Variants in GSE1 observed in about 807,000 individuals in gnomAD.
The protein encoded by GSE1 is genetic suppressor element 1.
A neutral mutation model predicts 112.6 loss-of-function variants in GSE1; 32 were observed. That is an observed-to-expected ratio of 0.28 (90% confidence interval 0.21 to 0.38). GSE1 has a LOEUF of 0.38. Ranked by LOEUF, GSE1 falls within the 10% of genes least tolerant of loss-of-function variation. The pLI, the probability that GSE1 is intolerant of heterozygous loss-of-function variation, is 1.00. For synonymous variants in GSE1, 1,115 were observed against 735.6 expected (o/e 1.52, Z -8.35); for missense variants, 2,348 against 1,699.2 (o/e 1.38, Z -6.71).
intron 1 of GSE1, among the ~76,000 whole-genome samples, chr16:85,174,130 G>C (rs77594326): frequency 0.01 from 1,573 of 152,314 alleles, 29 homozygotes; most frequent in African/African-American, 0.036. Flanking sequence ...AATGAGGCAG[G>C]CAAACAGGCC....
At position 85,501,299 on chromosome 16, in the gene GSE1, G is replaced by A. The variant is rs534591544; in HGVS notation, c.2465-132615G>A. On this transcript the variant is annotated intron_variant, in intron 2 of 2. Transcript: ENST00000637419. ...TTACAGGCGTGAGCCACCGCACCCA[G>A]CCAAGTATGGCCTCTTCTTAACTAA... Among the ~76,000 whole-genome samples the A allele has an allele frequency of 7.8e-4, 118 of 151,820 alleles. 1 individual carries two copies. The highest frequency in any genetic ancestry group is 2.8e-3 in the African/African-American group (117 of 41,404).
In GSE1 at chr16:85,209,330, C is replaced by G. The variant is rs866748949; in HGVS notation, c.2283+37523C>G. 1.2e-4 allele frequency among the ~76,000 whole-genome samples: 19 copies of G among 152,330 alleles called. No individual in the cohort carries two copies. The South Asian group carries it at 3.9e-3, about 32-fold the overall frequency. On this transcript the variant is annotated intron_variant, in intron 1 of 2. Transcript: ENST00000637419. ...TGTCATAGCTGGCCAGGGCAACATC[C>G]TCCGTCCTTGTTCGTGACCTCGATG...
intron 2 of GSE1, among the ~76,000 whole-genome samples, chr16:85,369,457 C>G (rs751032545): frequency 3.4e-4 from 52 of 152,192 alleles, no homozygotes; most frequent in Non-Finnish European, 4.9e-4. Flanking sequence ...TTCAAGCAGT[C>G]CTCCCTCCCA....
chr16:85,484,226 C>T (rs2050766529), intron 2 of GSE1, among the ~76,000 whole-genome samples: 1 of 152,166 alleles, frequency 6.6e-6, no homozygotes, highest in African/African-American at 2.4e-5. Flanking sequence ...CCAGTGGGTC[C>T]CACACACCTG....
In GSE1 at chr16:85,357,625, C is replaced by G. The variant is rs1378992774; in HGVS notation, c.2446C>G (p.Pro816Ala). 17 of 1,288,752 alleles carry G rather than the reference C, an allele frequency of 1.3e-5. No individual in the cohort carries two copies. The Admixed American group carries it at 3.9e-4, about 30-fold the overall frequency. The allele number at this position is 1,288,752 out of a possible 1,614,324, so 79.8% of individuals were successfully genotyped here. ...GCAGAGCAGCCGGGAGGAGGACGGA[C>G]CAGACCTTACTGGTGCAGGTAGACG... The change falls in exon 2 of 3, where the codon CCA becomes GCA. Residue 816 changes from proline to alanine, a missense_variant. Coordinates refer to the GSE1 transcript ENST00000637419.
At chr16:85,660,848 T>C (rs981531116) in intron 8 of GSE1, among the ~76,000 whole-genome samples, 2 of 152,020 alleles carry the variant, frequency 1.3e-5, no homozygotes, top group East Asian at 3.9e-4. Context: ...GCCAGGCTGG[T>C]CTCAAACTGC....
At chr16:85,548,137 G>A (rs1242388152) in intron 2 of GSE1, among the ~76,000 whole-genome samples, 1 of 149,030 alleles carries the variant, frequency 6.7e-6, no homozygotes, top group Non-Finnish European at 1.5e-5. Flanking sequence ...GCTGAGGCAG[G>A]AGAATCACTT....
chr16:85,229,759 C>G (rs1644826431), intron 1 of GSE1, among the ~76,000 whole-genome samples: 1 of 152,202 alleles, frequency 6.6e-6, no homozygotes, highest in African/African-American at 2.4e-5. Flanking sequence ...AACAAATGAG[C>G]TTTTCCTTAA....
chr16:85,660,957 A>G (rs2052379541), intron 8 of GSE1, among the ~76,000 whole-genome samples, 189 bp from the exon 9 acceptor site: 3 of 152,160 alleles, frequency 2.0e-5, no homozygotes, highest in Admixed American at 6.5e-5. Flanking sequence ...AAAGGAAAAG[A>G]GAAAATGAAA....
upstream of GSE1, among the ~76,000 whole-genome samples, chr16:85,612,185 C>A (rs865946674): frequency 1.3e-5 from 2 of 150,740 alleles, no homozygotes; most frequent in African/African-American, 2.4e-5. Context: ...CCCCTGCCCC[C>A]GAGGCCCGCC....
chr16:85,390,491 A>G (rs536366110), intron 2 of GSE1, among the ~76,000 whole-genome samples: 23 of 152,246 alleles, frequency 1.5e-4, no homozygotes, highest in Non-Finnish European at 2.9e-4. Context: ...TAACAATATG[A>G]TGGGTTAGGG....
At chr16:85,341,587 G>A (rs1490983269) in intron 1 of GSE1, among the ~76,000 whole-genome samples, 1 of 152,088 alleles carries the variant, frequency 6.6e-6, no homozygotes, top group Non-Finnish European at 1.5e-5. Context: ...GAACCCGGGA[G>A]GCAGAGGTGC....
intron 2 of GSE1, among the ~76,000 whole-genome samples, chr16:85,546,522 A>G (rs1405828581): frequency 6.6e-6 from 1 of 152,262 alleles, no homozygotes; most frequent in African/African-American, 2.4e-5. Flanking sequence ...GTGGGGAGCC[A>G]GAACAGGGGC....
At chr16:85,214,570 G>A (rs1271731385) in intron 1 of GSE1, among the ~76,000 whole-genome samples, 1 of 152,128 alleles carries the variant, frequency 6.6e-6, no homozygotes, top group Non-Finnish European at 1.5e-5. Context: ...TCTCCTAACC[G>A]AACTGCACCG....
chr16:85,402,915 CA>C (rs35895543), intron 2 of GSE1, among the ~76,000 whole-genome samples: 36,551 of 142,064 alleles, frequency 0.26, 4,843 homozygotes, highest in Admixed American at 0.45. Flanking sequence ...GACCCTGACT[CA>C]AAAAAAAAAA....
At position 85,316,630 on chromosome 16, in the gene GSE1, C is replaced by T. The variant is rs1208295686; in HGVS notation, c.2284-40833C>T. Among the ~76,000 whole-genome samples the T allele has an allele frequency of 5.3e-5, 8 of 152,220 alleles. No individual in the cohort carries two copies. The South Asian group carries it at 8.3e-4, about 16-fold the overall frequency. On this transcript the variant is annotated intron_variant, in intron 1 of 2. Transcript: ENST00000637419. ...GTGGAGGTCAGTGCTCTGCCCTCCA[C>T]GGACCAGGCCACCTGCAAGGACAGC...
chr16:85,614,668 C>G (rs947836332), intron 1 of GSE1, among the ~76,000 whole-genome samples: 1 of 152,230 alleles, frequency 6.6e-6, no homozygotes, highest in East Asian at 1.9e-4. Flanking sequence ...GGGTTCCCAG[C>G]TGGGCGGTGG....
At chr16:85,587,908 C>G (rs959810158) in intron 1 of GSE1, among the ~76,000 whole-genome samples, 4 of 152,182 alleles carry the variant, frequency 2.6e-5, no homozygotes, top group Admixed American at 2.6e-4. Context: ...CAGGCAGGCA[C>G]CACCTTGCTT....
chr16:85,662,914 C>T lies in GSE1; in HGVS notation c.2261-67C>T, dbSNP rs1598668298. On this transcript the variant is annotated intron_variant, in intron 9 of 15. Transcript: ENST00000253458. ...ATAGGTGCTCTGCACACATGAGGCC[C>T]TGCGGGCATGTCCACTGGACAGATG... is the stretch of plus-strand genomic sequence containing the variant. 4.4e-6 allele frequency: 5 copies of T among 1,132,250 alleles called. No individual in the cohort carries two copies. The Admixed American group carries it at 5.1e-5, about 12-fold the overall frequency. 70.1% of individuals were successfully genotyped at this position (1,132,250 alleles called of 1,614,324 possible). A position where few individuals can be genotyped will look rare whatever the true frequency, so the allele number is the denominator to read the frequency against.
Sources: allele counts gnomAD v4.1 joint callset (sites outside exome capture counted in the v4.1 genomes callset), GRCh38; gene constraint gnomAD v4.1.1; transcripts MANE v1.5; gene names NCBI Gene and HGNC (gene_info 2026-07-23, HGNC 2026-07-21).